VPS33A: variants seen among roughly 807,000 people sequenced by gnomAD.
The protein encoded by VPS33A is vacuolar protein sorting-associated protein 33A.
Under a neutral mutation model 71.8 loss-of-function variants are expected in VPS33A, and 32 were observed. The ratio of observed to expected loss-of-function variants is 0.45; its 90% CI spans 0.34 to 0.60. VPS33A has a LOEUF of 0.60. Ranked by LOEUF, VPS33A falls within the 20% of genes least tolerant of loss-of-function variation. The pLI is 0.02. For missense variants in VPS33A, 625 were observed against 748.5 expected, an observed-to-expected ratio of 0.84 and a Z score of 1.92; for synonymous variants, 311 against 292.7, an observed-to-expected ratio of 1.06 and a Z score of -0.64.
intron 1 of VPS33A, among the ~76,000 whole-genome samples, chr12:122,265,115 T>C (rs2136155850): frequency 6.6e-6 from 1 of 152,144 alleles, no homozygotes; most frequent in South Asian, 2.1e-4. Flanking sequence ...AGATGAGATT[T>C]TGCCATGTCA....
At position 122,232,831 on chromosome 12, in the gene VPS33A, C is replaced by T. The variant is rs769796374; in HGVS notation, c.1578G>A (p.Arg526=). Residue 526 remains arginine (R), a synonymous_variant, in exon 12 of 13, where the codon CGG becomes CGA. Transcript: ENST00000267199. ...TCTGCAGTCCTGTGGGCAGTGGCTG[C>T]CGCTCCTCAAAGTGGGGCCCTGGGA... is the stretch of plus-strand genomic sequence containing the variant. ...RILPGPHFEE[R]QPLPTGLQKK... 2 of 1,613,452 alleles carry T rather than the reference C, an allele frequency of 1.2e-6. No individual in the cohort carries two copies. Among genetic ancestry groups the T allele is most frequent in the Non-Finnish European group, 1.7e-6 (2 of 1,179,762 alleles).
chr12:122,249,139 T>C lies in VPS33A; in HGVS notation c.775+732A>G, dbSNP rs1227290431. 2.6e-5 allele frequency: 4 copies of C among 152,202 alleles called. No individual in the cohort carries two copies. The East Asian group carries it at 7.7e-4, about 29-fold the overall frequency. The allele number at this position is 152,202 out of a possible 1,614,324, so 9.4% of individuals were successfully genotyped here. ...ATATAGTTTGGAATACACATACATA[T>C]GCAGACACATATATAACAACCTCTA... On this transcript the variant is annotated intron_variant, in intron 6 of 12. Coordinates refer to ENST00000267199, the MANE Select transcript of VPS33A (RefSeq NM_022916.6).
At chr12:122,249,555 C>G (rs771739997) in intron 6 of VPS33A, 5 of 189,472 alleles carry the variant, frequency 2.6e-5, no homozygotes, top group Non-Finnish European at 4.3e-5. Context: ...TGTACTCAAC[C>G]ACTGAGATTG....
In VPS33A at chr12:122,251,028, C is replaced by T; in HGVS notation, c.555G>A (p.Leu185=). Residue 185 remains leucine (L), a synonymous_variant, in exon 5 of 13, where the codon CTG becomes CTA. Coordinates refer to ENST00000267199, the MANE Select transcript of VPS33A (RefSeq NM_022916.6). ...CAAAGATCTGGGGGATCGTTCCATA[C>T]AGAGCTTGCAGGGTCATCAGCCCCT... ...AAKGLMTLQA[L]YGTIPQIFGK... 1 of 1,614,202 alleles carries T rather than the reference C, an allele frequency of 6.2e-7. No homozygotes were observed. Among genetic ancestry groups the T allele is most frequent in the Non-Finnish European group, 8.5e-7 (1 of 1,180,036 alleles).
intron 5 of VPS33A, 32 bp from the exon 6 acceptor site, chr12:122,250,077 C>A: frequency 6.5e-7 from 1 of 1,544,978 alleles, no homozygotes; most frequent in Non-Finnish European, 8.7e-7. Context: ...AGGTGGGGCC[C>A]CCCTGGGAAC....
intron 3 of VPS33A, among the ~76,000 whole-genome samples, chr12:122,262,961 C>CT (rs1164175467): frequency 6.7e-6 from 1 of 149,786 alleles, no homozygotes; most frequent in African/African-American, 2.5e-5. Flanking sequence ...AGCACTTACT[C>CT]TTTGAGTTAC....
intron 9 of VPS33A, among the ~76,000 whole-genome samples, 191 bp downstream of exon 9, chr12:122,239,687 C>A (rs752989422): frequency 4.5e-5 from 6 of 134,664 alleles, no homozygotes; most frequent in African/African-American, 1.7e-4. Flanking sequence ...GCAGAGATGG[C>A]GCCACTGCAC....
chr12:122,236,813 C>T (rs1954634901), intron 10 of VPS33A, among the ~76,000 whole-genome samples: 1 of 152,162 alleles, frequency 6.6e-6, no homozygotes, highest in Non-Finnish European at 1.5e-5. Context: ...TAAAGTCACA[C>T]AGCTAGTGAA....
intron 9 of VPS33A, 106 bp downstream of exon 9, chr12:122,239,772 A>C: frequency 1.7e-6 from 1 of 581,428 alleles, no homozygotes; most frequent in Non-Finnish European, 2.7e-6. Context: ...AAAAAAAAAA[A>C]AAAAAAAGGC....
Position 122,234,608 on chromosome 12 carries a change from T to C in VPS33A, c.1440+1178A>G, listed in dbSNP as rs571172888. On this transcript the variant is annotated intron_variant, in intron 11 of 12. Coordinates refer to ENST00000267199, the MANE Select transcript of VPS33A (RefSeq NM_022916.6). ...CGCCTGGCCATGGCTGGCTTGTTTATGAGTGCTGGACATCTCCACTGACTC... is the reference window on the plus strand; with the variant it reads ...CGCCTGGCCATGGCTGGCTTGTTTACGAGTGCTGGACATCTCCACTGACTC... Among the ~76,000 whole-genome samples, 4 of 152,336 alleles carry C rather than the reference T, an allele frequency of 2.6e-5. No homozygotes were observed. In the South Asian group the frequency reaches 8.3e-4, roughly 32 times the overall value.
chr12:122,265,794 C>G, intron 1 of VPS33A: 1 of 439,176 alleles, frequency 2.3e-6, no homozygotes, highest in South Asian at 1.6e-5. Context: ...TAGTTCCTGA[C>G]TCCCTTGTGA....
intron 11 of VPS33A, 117 bp from the exon 12 acceptor site, chr12:122,233,085 A>ACCC: frequency 8.7e-7 from 1 of 1,145,278 alleles, no homozygotes; most frequent in Non-Finnish European, 1.2e-6. Flanking sequence ...TACAACCCCC[A>ACCC]CCCCTGCCAT....
At chr12:122,259,366 T>C (rs1203457510) in intron 4 of VPS33A, among the ~76,000 whole-genome samples, 1 of 152,022 alleles carries the variant, frequency 6.6e-6, no homozygotes, top group East Asian at 1.9e-4. Flanking sequence ...ATTACAGGCA[T>C]GCGCCATCAT....
At chr12:122,250,762 A>G (rs769273983) in intron 5 of VPS33A, among the ~76,000 whole-genome samples, 2 of 152,220 alleles carry the variant, frequency 1.3e-5, no homozygotes, top group Non-Finnish European at 2.9e-5. Flanking sequence ...GAACATGCGC[A>G]GTGGTTACTC....
Sources: allele counts gnomAD v4.1 joint callset (sites outside exome capture counted in the v4.1 genomes callset), GRCh38; gene constraint gnomAD v4.1.1; transcripts MANE v1.5; gene names NCBI Gene and HGNC (gene_info 2026-07-23, HGNC 2026-07-21).